Variants in DOCK2 observed in about 807,000 individuals in gnomAD.
DOCK2 encodes the protein dedicator of cytokinesis 2.
DOCK2 carries 87 observed loss-of-function variants against 248.9 expected under a neutral mutation model. That is an observed-to-expected ratio of 0.35 (90% CI 0.29 to 0.42). The LOEUF (loss-of-function observed/expected upper bound fraction) is 0.42. Among genes scored for constraint, DOCK2 ranks in the 10% least tolerant of loss-of-function variants. The probability of loss-of-function intolerance (pLI) is 1.00; values close to 1 mark genes in which losing one functional copy is unlikely to be tolerated. For missense variants in DOCK2, 1,747 were observed against 2,300.2 expected, an observed-to-expected ratio of 0.76 and a Z score of 4.92; for synonymous variants, 805 against 821.6, an observed-to-expected ratio of 0.98 and a Z score of 0.35.
At position 170,080,295 on chromosome 5, in the gene DOCK2, G is replaced by A; in HGVS notation, c.5287+12G>A. 6.2e-7 allele frequency: 1 copy of A among 1,613,960 alleles called. No individual in the cohort carries two copies. The highest frequency in any genetic ancestry group is 8.5e-7 in the Non-Finnish European group (1 of 1,179,906). On this transcript the variant is annotated intron_variant, in intron 50 of 51. Transcript: ENST00000520908. Reference sequence around the variant, plus strand: ...GCCTACCATCCCAGGTATGCCCCCTGCTGCCACCAGCATGAGGGAGTAGAG... The same window carrying A: ...GCCTACCATCCCAGGTATGCCCCCTACTGCCACCAGCATGAGGGAGTAGAG...
chr5:169,906,192 C>T (rs552941399), intron 27 of DOCK2, among the ~76,000 whole-genome samples: 6 of 152,236 alleles, frequency 3.9e-5, no homozygotes, highest in African/African-American at 1.4e-4. Context: ...TGCCCGGGGC[C>T]GTGGATAGTC....
intron 27 of DOCK2, among the ~76,000 whole-genome samples, chr5:169,973,473 A>G (rs1425555781): frequency 1.3e-5 from 2 of 152,154 alleles, no homozygotes; most frequent in Admixed American, 6.5e-5. Flanking sequence ...TTCTACCTTC[A>G]TCCTCACTAC....
At chr5:169,698,939 T>C (rs1162653849) in intron 11 of DOCK2, among the ~76,000 whole-genome samples, 3 of 152,100 alleles carry the variant, frequency 2.0e-5, no homozygotes, top group Non-Finnish European at 2.9e-5. Flanking sequence ...GAGGTCAATG[T>C]CCTCTCCTCT....
chr5:169,837,272 C>G (rs183036941), intron 26 of DOCK2, among the ~76,000 whole-genome samples: 1 of 152,132 alleles, frequency 6.6e-6, no homozygotes, highest in Admixed American at 6.5e-5. Flanking sequence ...TACAAGCTAC[C>G]GTTTAGTTTG....
intron 27 of DOCK2, among the ~76,000 whole-genome samples, chr5:169,926,373 C>A (rs1775457276): frequency 6.6e-6 from 1 of 152,224 alleles, no homozygotes; most frequent in African/African-American, 2.4e-5. Flanking sequence ...TTATCCTCTA[C>A]CTTTTTCAAC....
intron 26 of DOCK2, among the ~76,000 whole-genome samples, chr5:169,835,755 T>G (rs6882816): frequency 0.17 from 25,616 of 151,766 alleles, 2,602 homozygotes; most frequent in Admixed American, 0.24. Flanking sequence ...GTTTGGGGGT[T>G]TGGATTTTTT....
rs371219472 is a variant in DOCK2 at position 169,946,402 on chromosome 5, G to T, written c.2800-36666G>T. On this transcript the variant is annotated intron_variant, in intron 27 of 51. Coordinates refer to ENST00000520908, the MANE Select transcript of DOCK2 (RefSeq NM_004946.3). Reference sequence around the variant, plus strand: ...AGGCTCTTCCAGGAGCTACCTTTATGTTTCTTCATGTGTGTTCTTAGCTGG... The same window carrying T: ...AGGCTCTTCCAGGAGCTACCTTTATTTTTCTTCATGTGTGTTCTTAGCTGG... 1.6e-4 allele frequency among the ~76,000 whole-genome samples: 25 copies of T among 152,322 alleles called. 1 individual carries two copies. In the South Asian group the frequency reaches 4.8e-3, roughly 29 times the overall value.
At chr5:170,072,837 A>G (rs889349485) in intron 46 of DOCK2, among the ~76,000 whole-genome samples, 1 of 152,146 alleles carries the variant, frequency 6.6e-6, no homozygotes, top group African/African-American at 2.4e-5. Context: ...TACTTTTTCA[A>G]ATCTTTTACT....
rs182887543 is a variant in DOCK2 at position 169,900,444 on chromosome 5, G to A, written c.2799+59592G>A. Among the ~76,000 whole-genome samples, 312 of 152,316 alleles carry A rather than the reference G, an allele frequency of 2.0e-3. 2 individuals carry two copies. Among genetic ancestry groups the A allele is most frequent in the Non-Finnish European group, 3.5e-3 (237 of 68,036 alleles). ...ATTATCGTGGCTGGGCGAGATAGTGGCAAATGTCAGGAGAAGACTGGCTGG... is the reference window on the plus strand; with the variant it reads ...ATTATCGTGGCTGGGCGAGATAGTGACAAATGTCAGGAGAAGACTGGCTGG... On this transcript the variant is annotated intron_variant, in intron 27 of 51. Transcript: ENST00000520908.
At chr5:169,875,857 A>ACTGG (rs1772299291) in intron 27 of DOCK2, 1 of 152,334 alleles carries the variant, frequency 6.6e-6, no homozygotes, top group African/African-American at 2.4e-5. Context: ...AGGCAAATAA[A>ACTGG]CTGGCCTCCA....
At chr5:169,804,483 T>TGCGC (rs1201108811) in intron 26 of DOCK2, among the ~76,000 whole-genome samples, 28 of 64,226 alleles carry the variant, frequency 4.4e-4, no homozygotes, top group Admixed American at 1.0e-3. Flanking sequence ...TGTGTGTGTG[T>TGCGC]GTGCGCGCGC....
chr5:169,996,840 G>A (rs1238213271), intron 30 of DOCK2, among the ~76,000 whole-genome samples: 4 of 152,206 alleles, frequency 2.6e-5, no homozygotes, highest in Admixed American at 6.5e-5. Context: ...TAGGCACTGA[G>A]CTCATGAACT....
chr5:169,700,661 A>G lies in DOCK2; in HGVS notation c.1258+522A>G, dbSNP rs1256282156. On this transcript the variant is annotated intron_variant, in intron 13 of 51. Coordinates refer to ENST00000520908, the MANE Select transcript of DOCK2 (RefSeq NM_004946.3). ...CCAGAAGTAGCCACTACATTTCCAA[A>G]TGTGTGTATAATTTTAAAAAATGAG... 2.0e-5 allele frequency among the ~76,000 whole-genome samples: 3 copies of G among 152,126 alleles called. No individual in the cohort carries two copies. In the East Asian group the frequency reaches 5.8e-4, roughly 29 times the overall value.
chr5:169,922,831 G>A lies in DOCK2; in HGVS notation c.2800-60237G>A, dbSNP rs115411746. On this transcript the variant is annotated intron_variant, in intron 27 of 51. Transcript: ENST00000520908. ...TTTGAGTATCTGATACATTCTGGGT[G>A]GTTTTCCAAGGGGAATTCTTTGAAA... 5.8e-3 allele frequency among the ~76,000 whole-genome samples: 876 copies of A among 152,236 alleles called. 6 individuals carry two copies. Among genetic ancestry groups the A allele is most frequent in the African/African-American group, 0.02 (828 of 41,528 alleles).
chr5:169,774,444 A>C (rs1037167829), intron 25 of DOCK2, among the ~76,000 whole-genome samples: 2 of 152,168 alleles, frequency 1.3e-5, no homozygotes, highest in Non-Finnish European at 2.9e-5. Flanking sequence ...CCAGTTAAGG[A>C]GGTTTTAAAA....
chr5:169,993,549 T>TTGTGTGTG (rs10626609), intron 29 of DOCK2, among the ~76,000 whole-genome samples: 1,759 of 149,470 alleles, frequency 0.012, 15 homozygotes, highest in African/African-American at 0.023. Flanking sequence ...TCACATCCAT[T>TTGTGTGTG]TGTGTGTGTG....
At position 169,717,437 on chromosome 5, in the gene DOCK2, T is replaced by G; in HGVS notation, c.2085T>G (p.Val695=). The G allele has an allele frequency of 6.2e-7, 1 of 1,613,902 alleles. No homozygotes were observed. The highest frequency in any genetic ancestry group is 8.5e-7 in the Non-Finnish European group (1 of 1,179,822). The change falls in exon 21 of 52, where the codon GTT becomes GTG. Residue 695 remains valine (V), a synonymous_variant. Transcript: ENST00000520908. ...ADRKFQHFNT[V]LEAYIQQHFS... is the part of the protein sequence containing the mutation. ...GGAAATTTCAGCATTTCAACACCGTTCTGGAGGCTTACATCCAACAGCATT... is the reference window on the plus strand; with the variant it reads ...GGAAATTTCAGCATTTCAACACCGTGCTGGAGGCTTACATCCAACAGCATT...
At chr5:169,889,947 A>C (rs1263294790) in intron 27 of DOCK2, among the ~76,000 whole-genome samples, 1 of 152,212 alleles carries the variant, frequency 6.6e-6, no homozygotes, top group African/African-American at 2.4e-5. Context: ...CCCTTCTCTG[A>C]ACTTAGTAAT....
intron 23 of DOCK2, among the ~76,000 whole-genome samples, chr5:169,750,720 T>C (rs887164170): frequency 2.6e-5 from 4 of 152,250 alleles, no homozygotes; most frequent in East Asian, 3.9e-4. Context: ...GCTCTAAGGG[T>C]CAAATTTAGC....
Sources: gnomAD v4.1 joint callset for allele counts (sites outside exome capture counted in the v4.1 genomes callset) on GRCh38, gnomAD v4.1.1 for gene constraint, MANE v1.5 for transcripts, NCBI Gene and HGNC (gene_info 2026-07-23, HGNC 2026-07-21) for gene names.